SMOC2: variants seen among roughly 807,000 people sequenced by gnomAD.
SMOC2 encodes the protein SPARC related modular calcium binding 2.
SMOC2 carries 39 observed loss-of-function variants against 61.4 expected under a neutral mutation model. The ratio of observed to expected loss-of-function variants is 0.64; its 90% CI spans 0.49 to 0.83. SMOC2 has a LOEUF of 0.83. Among genes scored for constraint, SMOC2 ranks in the 40% least tolerant of loss-of-function variants. The probability of loss-of-function intolerance (pLI) is 0.00; values close to 1 mark genes in which losing one functional copy is unlikely to be tolerated. For synonymous variants in SMOC2, 247 were observed against 239.9 expected, an observed-to-expected ratio of 1.03 and a Z score of -0.27; for missense variants, 556 against 592.9, an observed-to-expected ratio of 0.94 and a Z score of 0.65.
chr6:168,641,923 A>G (rs1001156601), intron 9 of SMOC2, among the ~76,000 whole-genome samples: 27 of 152,266 alleles, frequency 1.8e-4, no homozygotes, highest in African/African-American at 5.1e-4. Context: ...TGAAAAATCA[A>G]GGATATGAAA....
rs1282539134 is a variant in SMOC2, at chr6:168,667,289, A to T, written c.*851A>T. 1 of 152,170 alleles carries T rather than the reference A, an allele frequency of 6.6e-6. No individual in the cohort carries two copies. The highest frequency in any genetic ancestry group is 1.9e-4 in the East Asian group (1 of 5,178). The allele number at this position is 152,170 out of a possible 1,614,324, so 9.4% of individuals were successfully genotyped here. ...CCTGGTTTTCCTCCTACACGTGGAC[A>T]TTATTCTCCTGATCCTCCTACCTGG... On this transcript the variant is annotated 3_prime_UTR_variant, in exon 13 of 13. Coordinates refer to ENST00000356284, the MANE Select transcript of SMOC2 (RefSeq NM_001166412.2).
chr6:168,578,794 G>T (rs1784862989), intron 7 of SMOC2, among the ~76,000 whole-genome samples: 1 of 152,212 alleles, frequency 6.6e-6, no homozygotes, highest in Admixed American at 6.5e-5. Context: ...TTGGACGTGG[G>T]TAATGGAGTT....
chr6:168,534,468 C>T (rs780675056), intron 4 of SMOC2, among the ~76,000 whole-genome samples: 3 of 152,246 alleles, frequency 2.0e-5, no homozygotes, highest in Non-Finnish European at 2.9e-5. Flanking sequence ...GGTTCCCCTG[C>T]GTCCCGCCCT....
At chr6:168,462,120 T>C (rs117894820) in intron 1 of SMOC2, among the ~76,000 whole-genome samples, 5,972 of 152,270 alleles carry the variant, frequency 0.039, 162 homozygotes, top group South Asian at 0.14. Flanking sequence ...TCTTTCCCCA[T>C]CCTGCCCATC....
chr6:168,523,996 C>G (rs1783397212), intron 2 of SMOC2, among the ~76,000 whole-genome samples: 1 of 151,958 alleles, frequency 6.6e-6, no homozygotes, highest in Non-Finnish European at 1.5e-5. Context: ...GTGTGTTTAA[C>G]ATTTTGATTT....
chr6:168,511,269 GA>G (rs1338887114), intron 2 of SMOC2, among the ~76,000 whole-genome samples: 1 of 152,140 alleles, frequency 6.6e-6, no homozygotes, highest in East Asian at 1.9e-4. Context: ...CATTTATAAG[GA>G]AAGGTGTTTA....
intron 9 of SMOC2, among the ~76,000 whole-genome samples, chr6:168,646,674 C>A (rs1562402303): frequency 6.6e-6 from 1 of 152,044 alleles, no homozygotes; most frequent in Non-Finnish European, 1.5e-5. Context: ...CTGAAAAGTC[C>A]CTGGTCCATA....
At chr6:168,534,970 T>A (rs2115086971) in intron 4 of SMOC2, among the ~76,000 whole-genome samples, 1 of 152,222 alleles carries the variant, frequency 6.6e-6, no homozygotes, top group African/African-American at 2.4e-5. Context: ...TATTTTTATT[T>A]ATTTATTTAT....
intron 9 of SMOC2, among the ~76,000 whole-genome samples, chr6:168,619,045 C>T (rs1786177320): frequency 6.6e-6 from 1 of 152,220 alleles, no homozygotes; most frequent in Admixed American, 6.5e-5. Context: ...TATGACCTGA[C>T]ACAAAATGAC....
At chr6:168,556,053 G>A (rs922781101) in intron 7 of SMOC2, among the ~76,000 whole-genome samples, 23 of 152,312 alleles carry the variant, frequency 1.5e-4, no homozygotes, top group Non-Finnish European at 2.9e-4. Flanking sequence ...CGGGCCATGC[G>A]GGTCTCAGCC....
chr6:168,557,896 T>C (rs1021481667), intron 7 of SMOC2, among the ~76,000 whole-genome samples: 2 of 152,224 alleles, frequency 1.3e-5, no homozygotes, highest in African/African-American at 4.8e-5. Context: ...TTTCAAAATC[T>C]CTTAAGTGGC....
rs79758220 is a variant in SMOC2, at chr6:168,567,469, T to G, written c.637+18266T>G. Among the ~76,000 whole-genome samples the G allele has an allele frequency of 1.7e-3, 266 of 152,302 alleles. 10 individuals carry two copies. In the East Asian group the frequency reaches 0.045, roughly 26 times the overall value. The stretch of plus-strand genomic sequence containing the variant: ...ATTTCTCTTTGTTTAATGCTTTACC[T>G]TTGTGTTTAAAATACTGCCTTTTAT... On this transcript the variant is annotated intron_variant, in intron 7 of 12. Transcript: ENST00000356284.
At chr6:168,520,646 C>T (rs1422708659) in intron 2 of SMOC2, among the ~76,000 whole-genome samples, 1 of 152,252 alleles carries the variant, frequency 6.6e-6, no homozygotes, top group African/African-American at 2.4e-5. Flanking sequence ...ACAGTCATTA[C>T]CTGTGTCCCA....
intron 9 of SMOC2, among the ~76,000 whole-genome samples, chr6:168,637,633 C>T (rs1376380405): frequency 6.6e-6 from 1 of 152,166 alleles, no homozygotes; most frequent in Non-Finnish European, 1.5e-5. Flanking sequence ...CCGGCCTCCA[C>T]CAGGCTTGTA....
At chr6:168,651,540 T>C (rs1014991529) in intron 10 of SMOC2, among the ~76,000 whole-genome samples, 2 of 152,156 alleles carry the variant, frequency 1.3e-5, no homozygotes, top group Non-Finnish European at 2.9e-5. Context: ...TTGATGGAGA[T>C]TTCATCTTTT....
intron 2 of SMOC2, among the ~76,000 whole-genome samples, chr6:168,524,541 C>T (rs770482372): frequency 8.5e-5 from 13 of 152,194 alleles, no homozygotes; most frequent in Non-Finnish European, 1.6e-4. Flanking sequence ...TCCATGATAG[C>T]TCAAATATTA....
At chr6:168,604,270 AT>A (rs1429973293) in intron 8 of SMOC2, among the ~76,000 whole-genome samples, 3 of 152,174 alleles carry the variant, frequency 2.0e-5, no homozygotes, top group Non-Finnish European at 2.9e-5. Flanking sequence ...CTGCTAGCAA[AT>A]TTAATTCATG....
chr6:168,474,380 G>A (rs1186104226), intron 1 of SMOC2, among the ~76,000 whole-genome samples: 1 of 152,058 alleles, frequency 6.6e-6, no homozygotes. Flanking sequence ...ATTTCCTGCT[G>A]CCCTTTGCTG....
At chr6:168,566,380 A>T (rs1299763499) in intron 7 of SMOC2, among the ~76,000 whole-genome samples, 1 of 151,734 alleles carries the variant, frequency 6.6e-6, no homozygotes. Flanking sequence ...TTTAACTTGT[A>T]TGTATGTGGA....
Sources: allele counts gnomAD v4.1 joint callset (sites outside exome capture counted in the v4.1 genomes callset), GRCh38; gene constraint gnomAD v4.1.1; transcripts MANE v1.5; gene names NCBI Gene and HGNC (gene_info 2026-07-23, HGNC 2026-07-21).